The following SIN3A variants were observed in gnomAD, a reference collection of about 807,000 sequenced individuals.
SIN3A encodes the protein SIN3 transcription regulator family member A.
A neutral mutation model predicts 146.1 loss-of-function variants in SIN3A; 14 were observed. The ratio of observed to expected loss-of-function variants is 0.10; its 90% CI spans 0.06 to 0.15. SIN3A has a LOEUF of 0.15. SIN3A is among the 10% of genes least tolerant of loss of function. SIN3A has a pLI of 1.00. For synonymous variants in SIN3A, 572 were observed against 572.0 expected, an observed-to-expected ratio of 1.00 and a Z score of 0.00; for missense variants, 1,028 against 1,576.0, an observed-to-expected ratio of 0.65 and a Z score of 5.89.
chr15:75,446,393 T>TAG (rs1393355376), intron 1 of SIN3A: 1 of 149,664 alleles, frequency 6.7e-6, no homozygotes, highest in Non-Finnish European at 1.5e-5. Context: ...GAAGGCTGGG[T>TAG]AGCTGAAGAA....
At chr15:75,373,259 T>A (rs928514601) in intron 20 of SIN3A, among the ~76,000 whole-genome samples, 2 of 152,148 alleles carry the variant, frequency 1.3e-5, no homozygotes, top group African/African-American at 4.8e-5. Flanking sequence ...ACGCCCGTAA[T>A]CCCAGCTACT....
At chr15:75,398,640 T>TG (rs2073348345) in intron 12 of SIN3A, among the ~76,000 whole-genome samples, 1 of 152,064 alleles carries the variant, frequency 6.6e-6, no homozygotes, top group African/African-American at 2.4e-5. Context: ...ATCACACCAC[T>TG]GCACTCCAGC....
intron 3 of SIN3A, chr15:75,419,209 G>A (rs959919524): frequency 2.6e-5 from 4 of 152,110 alleles, no homozygotes; most frequent in Non-Finnish European, 4.4e-5. Flanking sequence ...GACAATTTCT[G>A]TTGAAATTCA....
At chr15:75,412,482 C>T (rs1312274459) in intron 5 of SIN3A, among the ~76,000 whole-genome samples, 1 of 152,230 alleles carries the variant, frequency 6.6e-6, no homozygotes, top group Non-Finnish European at 1.5e-5. Context: ...ACTACTACTA[C>T]ACAAAGTCAC....
At chr15:75,380,605 T>C (rs553303647) in intron 19 of SIN3A, 24 bp downstream of exon 19, 2 of 1,544,308 alleles carry the variant, frequency 1.3e-6, no homozygotes, top group East Asian at 4.5e-5. Context: ...TATGGACTGC[T>C]GACAGATGAC....
chr15:75,385,147 C>G (rs957121476), intron 16 of SIN3A, among the ~76,000 whole-genome samples: 6 of 152,078 alleles, frequency 3.9e-5, no homozygotes, highest in African/African-American at 1.4e-4. Context: ...CAAAGCTCAC[C>G]GTGAGCTGGG....
At chr15:75,446,638 C>A (rs762472268) in intron 1 of SIN3A, among the ~76,000 whole-genome samples, 146 of 151,678 alleles carry the variant, frequency 9.6e-4, no homozygotes, top group Non-Finnish European at 1.8e-3. Flanking sequence ...ACTACAGGCA[C>A]GCGCCAGCAT....
At chr15:75,450,956 G>A (rs1025859317) in intron 1 of SIN3A, among the ~76,000 whole-genome samples, 1 of 152,086 alleles carries the variant, frequency 6.6e-6, no homozygotes, top group Admixed American at 6.5e-5. Flanking sequence ...CCAAGAAGGC[G>A]GAGGAACTCA....
chr15:75,425,137 A>C (rs1441328851), intron 2 of SIN3A, among the ~76,000 whole-genome samples: 1 of 152,238 alleles, frequency 6.6e-6, no homozygotes, highest in Non-Finnish European at 1.5e-5. Flanking sequence ...GTTGGCATTT[A>C]ATCTTGTGGT....
At chr15:75,390,273 A>C (rs1166781720) in intron 15 of SIN3A, among the ~76,000 whole-genome samples, 1 of 152,256 alleles carries the variant, frequency 6.6e-6, no homozygotes, top group Non-Finnish European at 1.5e-5. Context: ...AGACACAGCC[A>C]TACTCCAGCA....
At position 75,413,149 on chromosome 15, in the gene SIN3A, G is replaced by A; in HGVS notation, c.474-104C>T. 2 of 1,165,486 alleles carry A rather than the reference G, an allele frequency of 1.7e-6. 1 individual carries two copies. The highest frequency in any genetic ancestry group is 3.2e-5 in the South Asian group (2 of 62,658). The allele number at this position is 1,165,486 out of a possible 1,614,324, so 72.2% of individuals were successfully genotyped here. ...TTCTTTTGAGACGGAGTCTCACTCT[G>A]TTGCCCAGGCTGGACTGCAATGGTG... is the stretch of plus-strand genomic sequence containing the variant. On this transcript the variant is annotated intron_variant, in intron 4 of 20. Coordinates refer to ENST00000394947, the MANE Select transcript of SIN3A (RefSeq NM_001145358.2).
chr15:75,403,847 G>C (rs111275400), intron 9 of SIN3A, among the ~76,000 whole-genome samples: 3,634 of 152,238 alleles, frequency 0.024, 158 homozygotes, highest in African/African-American at 0.082. Context: ...CGTCCGGCCT[G>C]TTGCCTCTCT....
intron 1 of SIN3A, among the ~76,000 whole-genome samples, chr15:75,441,364 T>G (rs933659122): frequency 6.6e-6 from 1 of 151,682 alleles, no homozygotes; most frequent in East Asian, 1.9e-4. Flanking sequence ...CAGGCTAGAG[T>G]ACAGTGGCAT....
Position 75,369,860 on chromosome 15 carries a change from G to C in SIN3A, c.*2119C>G, listed in dbSNP as rs1210449670. On this transcript the variant is annotated 3_prime_UTR_variant, in exon 21 of 21. Transcript: ENST00000394947. Reference sequence around the variant, plus strand: ...AATCAGTACACATGACCACCGCCAAGTCAGACACTGCCCCAGCTTTGCCCT... The same window carrying C: ...AATCAGTACACATGACCACCGCCAACTCAGACACTGCCCCAGCTTTGCCCT... The C allele has an allele frequency of 1.3e-5, 2 of 152,216 alleles. No homozygotes were observed. Among genetic ancestry groups the C allele is most frequent in the Non-Finnish European group, 2.9e-5 (2 of 68,060 alleles). The allele number at this position is 152,216 out of a possible 1,614,324, so 9.4% of individuals were successfully genotyped here.
rs1163923840 is a variant in SIN3A, at chr15:75,407,134, T to A, written c.1328A>T (p.Lys443Ile). ...AGAAGAATCCTTCAGATTGAGCAGT[T>A]TGGGTTTCTTCTGCAAAAGAAAGAT... is the stretch of plus-strand genomic sequence containing the variant. ...GTTPPVKKKP[K>I]LLNLKDSSMA... Residue 443 changes from lysine to isoleucine, a missense_variant, in exon 9 of 21, where the codon AAA becomes ATA. Transcript: ENST00000394947. The A allele has an allele frequency of 6.2e-7, 1 of 1,610,278 alleles. No homozygotes were observed. Among genetic ancestry groups the A allele is most frequent in the East Asian group, 2.2e-5 (1 of 44,802 alleles).
intron 17 of SIN3A, 38 bp from the exon 18 acceptor site, chr15:75,381,743 C>T: frequency 6.7e-7 from 1 of 1,496,346 alleles, no homozygotes; most frequent in Non-Finnish European, 9.3e-7. Context: ...AAAAGACCGT[C>T]TCTGTAGCTG....
chr15:75,387,461 C>T (rs1352157445), intron 16 of SIN3A, among the ~76,000 whole-genome samples: 1 of 146,872 alleles, frequency 6.8e-6, no homozygotes, highest in African/African-American at 2.5e-5. Context: ...GATCACACCA[C>T]TGCACTCCAG....
chr15:75,451,118 A>G lies in SIN3A; in HGVS notation c.-34+305T>C, dbSNP rs1359322239. Among the ~76,000 whole-genome samples, 7 of 143,976 alleles carry G rather than the reference A, an allele frequency of 4.9e-5. No homozygotes were observed. The East Asian group carries it at 1.5e-3, about 31-fold the overall frequency. The allele number at this position is 143,976 out of a possible 152,430, so 94.5% of individuals were successfully genotyped here. On this transcript the variant is annotated intron_variant, in intron 1 of 20. Coordinates refer to ENST00000394947, the MANE Select transcript of SIN3A (RefSeq NM_001145358.2). Reference sequence around the variant, plus strand: ...GAGGGGGTGGTCGGCCGCAAACTGCACTCAGCGCGAAGCCGGCCCCGCCCC... The same window carrying G: ...GAGGGGGTGGTCGGCCGCAAACTGCGCTCAGCGCGAAGCCGGCCCCGCCCC...
chr15:75,437,347 T>C (rs1038133765), intron 1 of SIN3A, among the ~76,000 whole-genome samples: 2 of 152,086 alleles, frequency 1.3e-5, no homozygotes, highest in Admixed American at 1.3e-4. Context: ...TTGTATTTTT[T>C]GTAGAGACAG....
Sources: gnomAD v4.1 joint callset for allele counts (sites outside exome capture counted in the v4.1 genomes callset) on GRCh38, gnomAD v4.1.1 for gene constraint, MANE v1.5 for transcripts, NCBI Gene and HGNC (gene_info 2026-07-23, HGNC 2026-07-21) for gene names.